Variants in PPARGC1A observed in about 807,000 individuals in gnomAD.
The protein encoded by PPARGC1A is PPARG coactivator 1 alpha, also known as peroxisome proliferator-activated receptor gamma coactivator 1-alpha.
PPARGC1A carries 25 observed loss-of-function variants against 88.7 expected under a neutral mutation model. The ratio of observed to expected loss-of-function variants is 0.28; its 90% CI spans 0.21 to 0.39. The LOEUF is 0.39. Ranked by LOEUF, PPARGC1A falls within the 10% of genes least tolerant of loss-of-function variation. The pLI, the probability that PPARGC1A is intolerant of heterozygous loss-of-function variation, is 1.00. For synonymous variants in PPARGC1A, 363 were observed against 355.6 expected, an observed-to-expected ratio of 1.02 and a Z score of -0.24; for missense variants, 880 against 968.7, an observed-to-expected ratio of 0.91 and a Z score of 1.22.
intron 1 of PPARGC1A, among the ~76,000 whole-genome samples, chr4:23,895,608 A>G (rs1718459893): frequency 6.6e-6 from 1 of 152,100 alleles, no homozygotes; most frequent in Admixed American, 6.6e-5. Context: ...GACTTTTGAG[A>G]AAACATCCTT....
chr4:24,298,834 C>T, the PPARGC1A span, among the ~76,000 whole-genome samples: 5,025 of 152,210 alleles, frequency 0.033, 296 homozygotes, highest in African/African-American at 0.11. Context: ...TGGTATCTGT[C>T]GTACAAATTT....
chr4:23,931,058 A>AG, the PPARGC1A span, among the ~76,000 whole-genome samples: 1 of 145,502 alleles, frequency 6.9e-6, no homozygotes, highest in Non-Finnish European at 1.5e-5. Flanking sequence ...CAGTCTAGTG[A>AG]GGGGCAGCTG....
the PPARGC1A span, among the ~76,000 whole-genome samples, chr4:24,161,646 A>G: frequency 6.6e-6 from 1 of 152,150 alleles, no homozygotes; most frequent in Non-Finnish European, 1.5e-5. Flanking sequence ...GAGGGTTTTC[A>G]TTTCATTGAA....
the PPARGC1A span, among the ~76,000 whole-genome samples, chr4:24,371,248 G>T: frequency 6.6e-6 from 1 of 152,138 alleles, no homozygotes; most frequent in Non-Finnish European, 1.5e-5. Context: ...ACATACATGT[G>T]CATGTGTCTT....
the PPARGC1A span, among the ~76,000 whole-genome samples, chr4:23,956,222 C>G: frequency 6.6e-6 from 1 of 152,030 alleles, no homozygotes; most frequent in Non-Finnish European, 1.5e-5. Context: ...CTCCAGACTC[C>G]TGCTCCTCTC....
At chr4:23,865,642 C>T (rs1373905573) in intron 2 of PPARGC1A, among the ~76,000 whole-genome samples, 1 of 152,134 alleles carries the variant, frequency 6.6e-6, no homozygotes, top group African/African-American at 2.4e-5. Context: ...GGACTGAGGC[C>T]TTGTGTTAGA....
chr4:23,890,083 C>A (rs1036569862), upstream of PPARGC1A: 22 of 1,449,266 alleles, frequency 1.5e-5, no homozygotes, highest in East Asian at 4.8e-4. Context: ...TACTACAGTC[C>A]CCAGTCACAT....
the PPARGC1A span, among the ~76,000 whole-genome samples, chr4:24,079,868 A>C: frequency 1.8e-4 from 28 of 152,130 alleles, no homozygotes; most frequent in African/African-American, 6.5e-4. Context: ...TCTTATATTC[A>C]ATAGTCTGTC....
At chr4:23,842,584 T>C (rs1461509029) in intron 2 of PPARGC1A, among the ~76,000 whole-genome samples, 1 of 152,062 alleles carries the variant, frequency 6.6e-6, no homozygotes, top group Non-Finnish European at 1.5e-5. Flanking sequence ...TAATCCTTTG[T>C]TTTGGGGGCT....
intron 2 of PPARGC1A, among the ~76,000 whole-genome samples, chr4:23,839,144 T>A (rs1577460820): frequency 6.6e-6 from 1 of 152,338 alleles, no homozygotes; most frequent in African/African-American, 2.4e-5. Context: ...ACATCTGTAC[T>A]TAGACTCCAT....
At chr4:23,827,614 G>A (rs1333240658) in intron 5 of PPARGC1A, among the ~76,000 whole-genome samples, 1 of 152,122 alleles carries the variant, frequency 6.6e-6, no homozygotes, top group Admixed American at 6.5e-5. Flanking sequence ...TCTCTGCCAA[G>A]AGAGGTTTTC....
At chr4:24,164,818 A>T in the PPARGC1A span, among the ~76,000 whole-genome samples, 1 of 152,154 alleles carries the variant, frequency 6.6e-6, no homozygotes, top group Admixed American at 6.6e-5. Flanking sequence ...GGCTACACAC[A>T]TTGGCAGACC....
the PPARGC1A span, among the ~76,000 whole-genome samples, chr4:24,019,392 G>A: frequency 6.6e-6 from 1 of 152,136 alleles, no homozygotes; most frequent in African/African-American, 2.4e-5. Context: ...AGAAAACTGA[G>A]ATATAATGAT....
the PPARGC1A span, among the ~76,000 whole-genome samples, chr4:24,157,387 G>A: frequency 6.6e-6 from 1 of 152,018 alleles, no homozygotes; most frequent in Non-Finnish European, 1.5e-5. Flanking sequence ...GAATCTCCTT[G>A]GTGTGCTCCA....
At chr4:24,331,166 C>G in the PPARGC1A span, among the ~76,000 whole-genome samples, 2 of 152,192 alleles carry the variant, frequency 1.3e-5, no homozygotes, top group African/African-American at 2.4e-5. Context: ...CTTGCCCATC[C>G]CCACTTTGCC....
chr4:23,895,021 A>G (rs1219663074), upstream of PPARGC1A, among the ~76,000 whole-genome samples: 5 of 151,996 alleles, frequency 3.3e-5, no homozygotes, highest in Admixed American at 1.3e-4. Flanking sequence ...CAAATTTGGC[A>G]CTATTTAAAA....
chr4:23,955,859 T>G, the PPARGC1A span, among the ~76,000 whole-genome samples: 2 of 152,096 alleles, frequency 1.3e-5, no homozygotes, highest in Non-Finnish European at 2.9e-5. Flanking sequence ...GAACAAGAAC[T>G]GAAGTCTTCC....
chr4:24,128,751 C>T, the PPARGC1A span, among the ~76,000 whole-genome samples: 8 of 152,186 alleles, frequency 5.3e-5, no homozygotes, highest in African/African-American at 1.9e-4. Context: ...CCCATCTTCT[C>T]TTAAAAGCAG....
chr4:24,433,487 C>T, the PPARGC1A span, among the ~76,000 whole-genome samples: 12 of 152,120 alleles, frequency 7.9e-5, no homozygotes, highest in Non-Finnish European at 1.5e-4. Flanking sequence ...CTCTTTTAAC[C>T]CATGCTAATT....
Sources: allele counts gnomAD v4.1 joint callset (sites outside exome capture counted in the v4.1 genomes callset), GRCh38; gene constraint gnomAD v4.1.1; transcripts MANE v1.5; gene names NCBI Gene and HGNC (gene_info 2026-07-23, HGNC 2026-07-21).